PCDH15: variants seen among roughly 807,000 people sequenced by gnomAD.
The protein encoded by PCDH15 is protocadherin-15.
A neutral mutation model predicts 178.5 loss-of-function variants in PCDH15; 129 were observed. The ratio of observed to expected loss-of-function variants is 0.72; its 90% CI spans 0.63 to 0.84. The LOEUF (loss-of-function observed/expected upper bound fraction) is 0.84, where lower values mean the gene tolerates loss of function less well. PCDH15 is among the 40% of genes least tolerant of loss of function. The pLI is 0.00. For missense variants in PCDH15, 2,230 were observed against 2,099.9 expected, an observed-to-expected ratio of 1.06 and a Z score of -1.21; for synonymous variants, 800 against 732.0, an observed-to-expected ratio of 1.09 and a Z score of -1.50.
intron 2 of PCDH15, among the ~76,000 whole-genome samples, chr10:55,156,086 A>G (rs2132107048): frequency 6.6e-6 from 1 of 152,242 alleles, no homozygotes; most frequent in Non-Finnish European, 1.5e-5. Context: ...TCTATTTCAT[A>G]CATACAAAGG....
intron 21 of PCDH15, among the ~76,000 whole-genome samples, chr10:53,987,694 A>G (rs530160901): frequency 1.3e-5 from 2 of 152,292 alleles, no homozygotes; most frequent in African/African-American, 4.8e-5. Context: ...ACCAGAGGCC[A>G]ATTTACCATG....
At chr10:54,901,133 A>G (rs1954632279) in intron 2 of PCDH15, among the ~76,000 whole-genome samples, 1 of 151,934 alleles carries the variant, frequency 6.6e-6, no homozygotes, top group African/African-American at 2.4e-5. Context: ...CAACAAAGTA[A>G]GACCCCCCTC....
At chr10:54,841,392 T>C (rs1397533163) in intron 3 of PCDH15, among the ~76,000 whole-genome samples, 1 of 151,804 alleles carries the variant, frequency 6.6e-6, no homozygotes, top group Non-Finnish European at 1.5e-5. Flanking sequence ...TCCAAACCTC[T>C]TGGACACAGC....
At chr10:54,049,832 G>C (rs2093730350) in intron 18 of PCDH15, among the ~76,000 whole-genome samples, 1 of 152,098 alleles carries the variant, frequency 6.6e-6, no homozygotes, top group South Asian at 2.1e-4. Context: ...TATTTACCAG[G>C]CTGGTCTCAA....
chr10:55,099,772 A>G, intron 2 of PCDH15, among the ~76,000 whole-genome samples: 1 of 151,380 alleles, frequency 6.6e-6, no homozygotes, highest in Non-Finnish European at 1.5e-5. Context: ...AAGAAAAGCA[A>G]ACTTGACTGC....
chr10:54,976,780 G>T (rs760881748), intron 2 of PCDH15, among the ~76,000 whole-genome samples: 10 of 152,100 alleles, frequency 6.6e-5, no homozygotes, highest in Non-Finnish European at 1.5e-4. Flanking sequence ...TTCTAATTTT[G>T]TTTACTTTCA....
At chr10:54,775,746 G>A (rs11004569) in intron 1 of PCDH15, among the ~76,000 whole-genome samples, 31,793 of 152,010 alleles carry the variant, frequency 0.21, 3,782 homozygotes, top group East Asian at 0.45. Flanking sequence ...TTAGCTGGGC[G>A]TGGTGGCGGG....
At chr10:54,861,101 C>T (rs896571659) in intron 3 of PCDH15, among the ~76,000 whole-genome samples, 2 of 151,916 alleles carry the variant, frequency 1.3e-5, no homozygotes, top group Non-Finnish European at 2.9e-5. Flanking sequence ...AATAACTGTC[C>T]TTATACTATC....
intron 1 of PCDH15, among the ~76,000 whole-genome samples, chr10:55,231,217 T>C (rs1466928688): frequency 2.0e-5 from 3 of 152,074 alleles, no homozygotes; most frequent in South Asian, 2.1e-4. Flanking sequence ...GGATAATTCA[T>C]CCAGAAAATA....
At chr10:54,797,814 C>T (rs11595191) in intron 1 of PCDH15, among the ~76,000 whole-genome samples, 16,045 of 151,742 alleles carry the variant, frequency 0.11, 1,114 homozygotes, top group Non-Finnish European at 0.16. Context: ...AGGGGGGGAG[C>T]GGGGTGTGTC....
intron 2 of PCDH15, among the ~76,000 whole-genome samples, chr10:54,920,895 A>G (rs1469129228): frequency 6.6e-6 from 1 of 152,200 alleles, no homozygotes; most frequent in African/African-American, 2.4e-5. Context: ...AATTATTTTG[A>G]TATAGTAACC....
chr10:54,482,000 T>A (rs2078752514), intron 3 of PCDH15, among the ~76,000 whole-genome samples: 1 of 151,806 alleles, frequency 6.6e-6, no homozygotes, highest in East Asian at 1.9e-4. Context: ...ATTTAGGACC[T>A]GACTTCAAAT....
chr10:54,689,279 T>C (rs962956775), intron 1 of PCDH15, among the ~76,000 whole-genome samples: 1 of 152,144 alleles, frequency 6.6e-6, no homozygotes, highest in Non-Finnish European at 1.5e-5. Context: ...CAAATACATA[T>C]GCAAAGTGTA....
chr10:54,327,769 T>G (rs917085411), intron 7 of PCDH15, among the ~76,000 whole-genome samples: 1 of 152,032 alleles, frequency 6.6e-6, no homozygotes, highest in Non-Finnish European at 1.5e-5. Flanking sequence ...ATTACAACGC[T>G]TAGGAGTCAT....
At chr10:54,419,525 T>A (rs949973298) in intron 3 of PCDH15, among the ~76,000 whole-genome samples, 1 of 152,132 alleles carries the variant, frequency 6.6e-6, no homozygotes, top group African/African-American at 2.4e-5. Context: ...TTTGCTCAAC[T>A]CAATCTTGTG....
chr10:54,158,196 T>G (rs1229114098), intron 13 of PCDH15, among the ~76,000 whole-genome samples: 1 of 152,188 alleles, frequency 6.6e-6, no homozygotes, highest in East Asian at 1.9e-4. Flanking sequence ...ATTAGTTAAT[T>G]TTCACATTGC....
At chr10:54,012,816 T>G (rs2092631158) in intron 20 of PCDH15, among the ~76,000 whole-genome samples, 2 of 152,032 alleles carry the variant, frequency 1.3e-5, no homozygotes, top group Admixed American at 1.3e-4. Context: ...GAACAGCCAC[T>G]ACAAAAACAC....
intron 2 of PCDH15, among the ~76,000 whole-genome samples, chr10:55,154,359 A>G (rs1435083496): frequency 6.6e-6 from 1 of 152,166 alleles, no homozygotes; most frequent in Non-Finnish European, 1.5e-5. Flanking sequence ...GTATTCATGT[A>G]TATGAATGGA....
chr10:55,608,562 C>G (rs1564481166), intron 2 of PCDH15, among the ~76,000 whole-genome samples: 1 of 151,788 alleles, frequency 6.6e-6, no homozygotes, highest in Non-Finnish European at 1.5e-5. Context: ...TGGTATATAT[C>G]TGTTACCAAA....
Sources: gnomAD v4.1 joint callset for allele counts (sites outside exome capture counted in the v4.1 genomes callset) on GRCh38, gnomAD v4.1.1 for gene constraint, MANE v1.5 for transcripts, NCBI Gene and HGNC (gene_info 2026-07-23, HGNC 2026-07-21) for gene names.